ADCY5: variants seen among roughly 807,000 people sequenced by gnomAD.
ADCY5 encodes adenylate cyclase 5.
Under a neutral mutation model 119.7 loss-of-function variants are expected in ADCY5, and 30 were observed. The ratio of observed to expected loss-of-function variants is 0.25; its 90% CI spans 0.19 to 0.34. ADCY5 has a LOEUF of 0.34. Among genes scored for constraint, ADCY5 ranks in the 10% least tolerant of loss-of-function variants. The pLI, the probability that ADCY5 is intolerant of heterozygous loss-of-function variation, is 1.00. For synonymous variants in ADCY5, 753 were observed against 762.2 expected (o/e 0.99, Z 0.20); for missense variants, 1,324 against 1,775.2 (o/e 0.75, Z 4.57).
chr3:123,448,330 G>A lies in ADCY5; in HGVS notation c.216C>T (p.Arg72=). 2 of 1,534,922 alleles carry A rather than the reference G, an allele frequency of 1.3e-6. No individual in the cohort carries two copies. Among genetic ancestry groups the A allele is most frequent in the Non-Finnish European group, 1.7e-6 (2 of 1,151,686 alleles). ...GATCGTCGTCGTCGTCGCTGCGCCA[G>A]CGGCTGGCCAGGCGCTGCTGCTGCT... The part of the protein sequence containing the change: ...TPQQQQRLAS[R]WRSDDDDDPP... The change falls in exon 1 of 21, where the codon CGC becomes CGT. Residue 72 remains arginine (R), a synonymous_variant. Coordinates refer to ENST00000462833, the MANE Select transcript of ADCY5 (RefSeq NM_183357.3).
chr3:123,446,676 A>G (rs1173562677), intron 1 of ADCY5, among the ~76,000 whole-genome samples: 9 of 152,196 alleles, frequency 5.9e-5, no homozygotes, highest in Admixed American at 5.9e-4. Flanking sequence ...CCCAGCAGGG[A>G]TAAAATGTCC....
At chr3:123,424,017 G>A (rs111769925) in intron 1 of ADCY5, among the ~76,000 whole-genome samples, 141 of 152,352 alleles carry the variant, frequency 9.3e-4, no homozygotes, top group African/African-American at 3.2e-3. Context: ...TGGCCTTTGA[G>A]CATCCCGGTG....
chr3:123,417,388 C>A (rs1234935325), intron 1 of ADCY5, among the ~76,000 whole-genome samples: 1 of 152,224 alleles, frequency 6.6e-6, no homozygotes, highest in East Asian at 1.9e-4. Flanking sequence ...GGCCCGCTGG[C>A]CAGTGAGCCC....
chr3:123,343,092 A>T (rs1229134813), intron 3 of ADCY5, among the ~76,000 whole-genome samples: 1 of 152,240 alleles, frequency 6.6e-6, no homozygotes, highest in Non-Finnish European at 1.5e-5. Context: ...GTTGTCTAAC[A>T]TTAATACCCT....
At position 123,300,278 on chromosome 3, in the gene ADCY5, C is replaced by T. The variant is rs757712345; in HGVS notation, c.2742G>A (p.Val914=). The T allele has an allele frequency of 6.2e-7, 1 of 1,613,384 alleles. No homozygotes were observed. The highest frequency in any genetic ancestry group is 1.1e-5 in the South Asian group (1 of 91,082). The change falls in exon 15 of 21, where the codon GTG becomes GTA. Residue 914 remains valine, a synonymous_variant. Transcript: ENST00000462833. ...CNFPEYFTYS[V]LLSLLACSVF... is the part of the protein sequence containing the mutation. ...CGGAGCAGGCCAGCAGGCTGAGCAG[C>T]ACGCTGTAGGTGAAGTACTGCGGGC... is the stretch of plus-strand genomic sequence containing the variant.
chr3:123,299,884 G>T (rs1303522752), intron 15 of ADCY5, among the ~76,000 whole-genome samples: 1 of 152,184 alleles, frequency 6.6e-6, no homozygotes, highest in Non-Finnish European at 1.5e-5. Context: ...CCTGGCAAGC[G>T]GGGAGCAAAC....
intron 12 of ADCY5, among the ~76,000 whole-genome samples, chr3:123,307,847 C>G (rs1940282170): frequency 6.6e-6 from 1 of 151,900 alleles, no homozygotes; most frequent in South Asian, 2.1e-4. Context: ...CATTAGCTTC[C>G]TGGTGAATAT....
At chr3:123,320,958 T>C (rs1246053912) in intron 8 of ADCY5, among the ~76,000 whole-genome samples, 187 bp from the exon 9 acceptor site, 1 of 152,192 alleles carries the variant, frequency 6.6e-6, no homozygotes, top group African/African-American at 2.4e-5. Flanking sequence ...GGGTTCTCCC[T>C]AAGAGACAGG....
intron 3 of ADCY5, among the ~76,000 whole-genome samples, chr3:123,339,385 C>CAGA (rs1429850243): frequency 1.3e-5 from 2 of 152,114 alleles, no homozygotes; most frequent in East Asian, 3.9e-4. Context: ...GGTCAGACAC[C>CAGA]AGAGGGCTGT....
chr3:123,318,628 C>T (rs1008842497), intron 10 of ADCY5, among the ~76,000 whole-genome samples: 1 of 152,208 alleles, frequency 6.6e-6, no homozygotes, highest in Non-Finnish European at 1.5e-5. Flanking sequence ...GTTGGGCTGG[C>T]ACAGTCACCC....
intron 12 of ADCY5, among the ~76,000 whole-genome samples, chr3:123,309,803 C>G (rs971062265): frequency 6.6e-6 from 1 of 152,106 alleles, no homozygotes; most frequent in East Asian, 1.9e-4. Flanking sequence ...AAAATCTTCA[C>G]AGGATGGAAG....
Position 123,317,500 on chromosome 3 carries a change from C to T in ADCY5, c.2354+520G>A, listed in dbSNP as rs141855225. Among the ~76,000 whole-genome samples, 393 of 151,880 alleles carry T rather than the reference C, an allele frequency of 2.6e-3. 2 individuals are homozygous for T. Among genetic ancestry groups the T allele is most frequent in the African/African-American group, 9.2e-3 (381 of 41,444 alleles). On this transcript the variant is annotated intron_variant, in intron 11 of 20. Transcript: ENST00000462833. ...CTGTAATCCTAGCACTTTGGGAGGC[C>T]AAGGCGGGTGGATTGCCTGAGCTTG...
At chr3:123,342,931 C>T (rs865804479) in intron 3 of ADCY5, among the ~76,000 whole-genome samples, 10 of 152,230 alleles carry the variant, frequency 6.6e-5, no homozygotes, top group Admixed American at 5.9e-4. Context: ...GCCTCCTGCG[C>T]TGCGCGGGGC....
At chr3:123,332,706 C>T in intron 3 of ADCY5, 31 bp from the exon 4 acceptor site, 1 of 1,419,336 alleles carries the variant, frequency 7.0e-7, no homozygotes, top group Non-Finnish European at 9.9e-7. Flanking sequence ...GAAGACCCTG[C>T]TATAGGCTGA....
chr3:123,433,005 A>C (rs944955319), intron 1 of ADCY5, among the ~76,000 whole-genome samples: 3 of 152,240 alleles, frequency 2.0e-5, no homozygotes, highest in African/African-American at 7.2e-5. Flanking sequence ...TTGGGCAAGT[A>C]GGGATCTAAA....
At chr3:123,364,082 T>C (rs1050195158) in intron 1 of ADCY5, among the ~76,000 whole-genome samples, 1 of 152,228 alleles carries the variant, frequency 6.6e-6, no homozygotes, top group Admixed American at 6.5e-5. Context: ...ATTTTTCACA[T>C]GTATACATTT....
chr3:123,422,021 G>T (rs1404406290), intron 1 of ADCY5, among the ~76,000 whole-genome samples: 3 of 152,120 alleles, frequency 2.0e-5, no homozygotes, highest in Non-Finnish European at 4.4e-5. Flanking sequence ...ACATTACCCG[G>T]TGTTTCTCCC....
intron 1 of ADCY5, among the ~76,000 whole-genome samples, chr3:123,396,298 TAAG>T (rs757967755): frequency 2.6e-5 from 2 of 75,488 alleles, no homozygotes; most frequent in East Asian, 3.5e-4. Context: ...AGAGGGAAAA[TAAG>T]AAAGAAAGAA....
rs1169957453 is a variant in ADCY5 at position 123,447,827 on chromosome 3, C to G, written c.719G>C (p.Ser240Thr). The G allele has an allele frequency of 1.9e-6, 3 of 1,612,740 alleles. No homozygotes were observed. Among genetic ancestry groups the G allele is most frequent in the Non-Finnish European group, 2.5e-6 (3 of 1,179,744 alleles). ...CACGGCCATGAGCATGGTGAGGCTGCTCTGGTTCAGGCGGAAGAAGTAGCG... is the reference window on the plus strand; with the variant it reads ...CACGGCCATGAGCATGGTGAGGCTGGTCTGGTTCAGGCGGAAGAAGTAGCG... Reference protein sequence around the residue: ...YQRYFFRLNQSSLTMLMAVLV... With the variant: ...YQRYFFRLNQTSLTMLMAVLV... The change falls in exon 1 of 21, where the codon AGC becomes ACC. Residue 240 changes from serine to threonine, a missense_variant. Coordinates refer to ENST00000462833, the MANE Select transcript of ADCY5 (RefSeq NM_183357.3).
Sources: allele counts gnomAD v4.1 joint callset (sites outside exome capture counted in the v4.1 genomes callset), GRCh38; gene constraint gnomAD v4.1.1; transcripts MANE v1.5; gene names NCBI Gene and HGNC (gene_info 2026-07-23, HGNC 2026-07-21).